The following ASB4 variants were observed in gnomAD, a reference collection of about 807,000 sequenced individuals.
ASB4 encodes the protein ankyrin repeat and SOCS box protein 4.
In ASB4, 35 loss-of-function variants were observed where a neutral mutation model predicts 38.6. That is an observed-to-expected ratio of 0.91 (90% CI 0.69 to 1.20). The LOEUF (loss-of-function observed/expected upper bound fraction) is 1.20. Ranked by LOEUF, ASB4 falls within the 50% of genes most tolerant of loss-of-function variation. The pLI is 0.00. For synonymous variants in ASB4, 195 were observed against 201.3 expected (o/e 0.97, Z 0.26); for missense variants, 557 against 527.2 (o/e 1.06, Z -0.55).
intron 2 of ASB4, among the ~76,000 whole-genome samples, chr7:95,526,042 T>C (rs1257127716): frequency 6.6e-6 from 1 of 152,216 alleles, no homozygotes; most frequent in Non-Finnish European, 1.5e-5. Context: ...TTTTTAAAGC[T>C]AACAAAATGC....
the ASB4 span, among the ~76,000 whole-genome samples, chr7:95,545,258 T>C: frequency 6.6e-6 from 1 of 152,186 alleles, no homozygotes; most frequent in African/African-American, 2.4e-5. Flanking sequence ...TGAAGAAAAT[T>C]AAACCAGAAA....
In ASB4 at chr7:95,528,112, T is replaced by G. The variant is rs769514212; in HGVS notation, c.787T>G (p.Cys263Gly). 2 of 1,614,210 alleles carry G rather than the reference T, an allele frequency of 1.2e-6. No homozygotes were observed. Among genetic ancestry groups the G allele is most frequent in the Non-Finnish European group, 8.5e-7 (1 of 1,180,040 alleles). Residue 263 changes from cysteine (C) to glycine (G), a missense_variant, in exon 3 of 5, where the codon TGT becomes GGT. Physicochemically the swap from Cys to Gly is radical, Grantham distance 159. Coordinates refer to ENST00000325885, the MANE Select transcript of ASB4 (RefSeq NM_016116.3). ...TCCCCTCCACAAGGCAGCCTGGAAC[T>G]GTGACCACGTGCTCATGCACATGAT... Reference protein sequence around the residue: ...KSPLHKAAWNCDHVLMHMMLE... With the variant: ...KSPLHKAAWNGDHVLMHMMLE...
At chr7:95,479,451 A>G (rs1790005506) in intron 1 of ASB4, among the ~76,000 whole-genome samples, 1 of 152,182 alleles carries the variant, frequency 6.6e-6, no homozygotes, top group Non-Finnish European at 1.5e-5. Context: ...ATTGATCTGT[A>G]TTGTTATAAA....
chr7:95,550,481 C>T, the ASB4 span, among the ~76,000 whole-genome samples: 2 of 152,294 alleles, frequency 1.3e-5, no homozygotes, highest in Non-Finnish European at 2.9e-5. Context: ...TTATTACCGC[C>T]CCTCTGTGCT....
At chr7:95,472,698 G>T in the ASB4 span, among the ~76,000 whole-genome samples, 1 of 152,148 alleles carries the variant, frequency 6.6e-6, no homozygotes, top group Non-Finnish European at 1.5e-5. Flanking sequence ...GAATTCCACA[G>T]CAGGGTTAAC....
chr7:95,482,132 T>C (rs1370276849), upstream of ASB4, among the ~76,000 whole-genome samples: 1 of 152,254 alleles, frequency 6.6e-6, no homozygotes, highest in Non-Finnish European at 1.5e-5. Flanking sequence ...CTGTAAGTTT[T>C]ATCCTTTGCT....
At chr7:95,479,542 G>A (rs541149952) in intron 1 of ASB4, among the ~76,000 whole-genome samples, 1 of 152,134 alleles carries the variant, frequency 6.6e-6, no homozygotes, top group Non-Finnish European at 1.5e-5. Context: ...TGGCCTCTGG[G>A]AATAGATCAT....
chr7:95,537,450 C>G (rs951217477), intron 4 of ASB4, 121 bp from the exon 5 acceptor site: 4 of 786,704 alleles, frequency 5.1e-6, no homozygotes, highest in Non-Finnish European at 7.8e-6. Flanking sequence ...ATTTTTGCCT[C>G]ACCAATAGAG....
At chr7:95,477,458 T>C (rs1789987419), upstream of ASB4, among the ~76,000 whole-genome samples, 1 of 152,228 alleles carries the variant, frequency 6.6e-6, no homozygotes, top group Admixed American at 6.5e-5. Flanking sequence ...CACAAATTTA[T>C]CTACTGTAAA....
At chr7:95,536,280 G>A (rs1447328508) in intron 3 of ASB4, among the ~76,000 whole-genome samples, 157 bp from the exon 4 acceptor site, 3 of 152,012 alleles carry the variant, frequency 2.0e-5, no homozygotes, top group Non-Finnish European at 4.4e-5. Context: ...GAACTCTTGG[G>A]CTCAAGCAAT....
intron 2 of ASB4, among the ~76,000 whole-genome samples, chr7:95,506,007 C>T (rs1029272311): frequency 3.9e-5 from 6 of 152,120 alleles, no homozygotes; most frequent in African/African-American, 1.4e-4. Context: ...AGTCCTCCCA[C>T]CTCAGCCTCC....
At chr7:95,535,227 C>T (rs1790873971) in intron 3 of ASB4, among the ~76,000 whole-genome samples, 2 of 152,248 alleles carry the variant, frequency 1.3e-5, no homozygotes, top group African/African-American at 4.8e-5. Context: ...TCGAGCAACA[C>T]ATTTCCCTAT....
In ASB4 at chr7:95,537,810, G is replaced by T. The variant is rs539343126; in HGVS notation, c.*51G>T. 5.3e-6 allele frequency: 8 copies of T among 1,503,182 alleles called. No homozygotes were observed. In the Admixed American group the frequency reaches 1.3e-4, roughly 24 times the overall value. 93.1% of individuals were successfully genotyped at this position (1,503,182 alleles called of 1,614,324 possible). On this transcript the variant is annotated 3_prime_UTR_variant, in exon 5 of 5. Coordinates refer to ENST00000325885, the MANE Select transcript of ASB4 (RefSeq NM_016116.3). ...CCTAGGTATTTAAGTGGACTTGCTG[G>T]GTAGACACAGTTTGCCTAAATAAAA... is the stretch of plus-strand genomic sequence containing the variant.
At chr7:95,540,426 T>C (rs372305782), downstream of ASB4, among the ~76,000 whole-genome samples, 2 of 152,164 alleles carry the variant, frequency 1.3e-5, no homozygotes, top group Non-Finnish European at 2.9e-5. Context: ...AAAACACAAA[T>C]ACAATGCAGC....
At chr7:95,526,827 T>C (rs958068074) in intron 2 of ASB4, among the ~76,000 whole-genome samples, 2 of 152,204 alleles carry the variant, frequency 1.3e-5, no homozygotes, top group Non-Finnish European at 2.9e-5. Flanking sequence ...AGCGCTGATA[T>C]TAGAGTTGGC....
rs560287544 is a variant in ASB4, at chr7:95,509,627, T to C, written c.487+13570T>C. ...CTAATGAATAAGGATAAATGCTTAA[T>C]GGAAAATCTAGCTTAATAAAGTTAA... is the stretch of plus-strand genomic sequence containing the variant. On this transcript the variant is annotated intron_variant, in intron 2 of 4. Coordinates refer to ENST00000325885, the MANE Select transcript of ASB4 (RefSeq NM_016116.3). Among the ~76,000 whole-genome samples, 39 of 152,296 alleles carry C rather than the reference T, an allele frequency of 2.6e-4. No homozygotes were observed. In the South Asian group the frequency reaches 7.9e-3, roughly 31 times the overall value.
chr7:95,537,737 A>G lies in ASB4; in HGVS notation c.1259A>G (p.Glu420Gly). 6.2e-7 allele frequency: 1 copy of G among 1,613,750 alleles called. No individual in the cohort carries two copies. The highest frequency in any genetic ancestry group is 8.5e-7 in the Non-Finnish European group (1 of 1,179,752). The change falls in exon 5 of 5, where the codon GAG becomes GGG. Residue 420 changes from glutamate (E) to glycine (G), a missense_variant. By Grantham distance (98) the Glu-to-Gly change is moderately conservative (BLOSUM62 -2). Transcript: ENST00000325885. ...TCATTGAAAAAGTACTTGCTTTTAG[A>G]GCCAGAGGGAATTATTTATTAAGCC... ...PLSLKKYLLL[E>G]PEGIIY
At chr7:95,502,416 A>T (rs1001672919) in intron 2 of ASB4, among the ~76,000 whole-genome samples, 4 of 151,928 alleles carry the variant, frequency 2.6e-5, no homozygotes, top group African/African-American at 9.7e-5. Flanking sequence ...TTGATAACAC[A>T]TATCAAAAGC....
chr7:95,502,846 C>T (rs1790360358), intron 2 of ASB4, among the ~76,000 whole-genome samples: 1 of 151,994 alleles, frequency 6.6e-6, no homozygotes. Context: ...TTTAGAGTCT[C>T]AAAAAATTGC....
Sources: gnomAD v4.1 joint callset for allele counts (sites outside exome capture counted in the v4.1 genomes callset) on GRCh38, gnomAD v4.1.1 for gene constraint, MANE v1.5 for transcripts, NCBI Gene and HGNC (gene_info 2026-07-23, HGNC 2026-07-21) for gene names.